Variants in MS4A7 observed in about 807,000 individuals in gnomAD.
MS4A7 encodes membrane-spanning 4-domains subfamily A member 7.
Under a neutral mutation model 23.5 loss-of-function variants are expected in MS4A7, and 21 were observed. The observed-to-expected ratio is 0.89, with a 90% confidence interval of 0.63 to 1.29. MS4A7 has a LOEUF of 1.29. Ranked by LOEUF, MS4A7 falls within the 50% of genes most tolerant of loss-of-function variation. The pLI, the probability that MS4A7 is intolerant of heterozygous loss-of-function variation, is 0.00. For missense variants in MS4A7, 263 were observed against 274.2 expected (o/e 0.96, Z 0.29); for synonymous variants, 111 against 107.4 (o/e 1.03, Z -0.21).
chr11:60,392,830 T>A, intron 6 of MS4A7, 44 bp downstream of exon 6: 1 of 1,381,052 alleles, frequency 7.2e-7, no homozygotes, highest in Non-Finnish European at 1.0e-6. Flanking sequence ...GTGTCTCAGG[T>A]CCAGGCTACA....
intron 4 of MS4A7, 64 bp downstream of exon 4, chr11:60,386,837 C>G (rs2085496282): frequency 7.5e-7 from 1 of 1,336,948 alleles, no homozygotes; most frequent in Non-Finnish European, 1.1e-6. Flanking sequence ...GTTAATTCTT[C>G]TAGTTTAAAA....
chr11:60,389,672 G>A, intron 5 of MS4A7, 76 bp downstream of exon 5: 1 of 1,412,756 alleles, frequency 7.1e-7, no homozygotes. Flanking sequence ...TGCTTTTCTG[G>A]CAGTCTCTGG....
At chr11:60,391,107 T>C (rs971591002) in intron 5 of MS4A7, among the ~76,000 whole-genome samples, 7 of 152,190 alleles carry the variant, frequency 4.6e-5, no homozygotes, top group African/African-American at 1.4e-4. Flanking sequence ...ATAAAGCTCA[T>C]ATGGAGTACC....
chr11:60,383,376 C>G (rs1327042398), intron 2 of MS4A7, 88 bp downstream of exon 2: 65 of 1,467,818 alleles, frequency 4.4e-5, no homozygotes, highest in Non-Finnish European at 5.8e-5. Flanking sequence ...CTGGGAAACT[C>G]TTTCACTCTT....
intron 4 of MS4A7, among the ~76,000 whole-genome samples, chr11:60,387,725 C>T (rs370952566): frequency 2.0e-5 from 3 of 152,168 alleles, no homozygotes; most frequent in South Asian, 4.1e-4. Context: ...ATTATATTGC[C>T]CTAAGTGCAT....
Position 60,385,031 on chromosome 11 carries a change from A to G in MS4A7, c.148-57A>G, listed in dbSNP as rs1217736465. On this transcript the variant is annotated intron_variant, in intron 2 of 6. Transcript: ENST00000300184. ...TTTATACTTTACCGTGTGCATTCAA[A>G]TAATCACTTTTATCTGTTTGAAGTG... The G allele has an allele frequency of 8.6e-6, 13 of 1,514,324 alleles. No homozygotes were observed. The South Asian group carries it at 1.4e-4, about 16-fold the overall frequency. The allele number at this position is 1,514,324 out of a possible 1,614,324, so 93.8% of individuals were successfully genotyped here. A position where few individuals can be genotyped will look rare whatever the true frequency, so the allele number is the denominator to read the frequency against.
At chr11:60,383,339 T>C in intron 2 of MS4A7, 51 bp downstream of exon 2, 1 of 1,598,276 alleles carries the variant, frequency 6.3e-7, no homozygotes, top group Non-Finnish European at 8.5e-7. Context: ...TTTGTAAATG[T>C]ATCTAGACTA....
intron 1 of MS4A7, among the ~76,000 whole-genome samples, chr11:60,379,573 C>T (rs1270574192): frequency 8.4e-6 from 1 of 119,278 alleles, no homozygotes; most frequent in African/African-American, 3.0e-5. Context: ...GAGTTTTGCT[C>T]AGTCACCCAG....
chr11:60,386,306 C>A (rs570800839), intron 3 of MS4A7, among the ~76,000 whole-genome samples: 4 of 152,328 alleles, frequency 2.6e-5, no homozygotes, highest in Admixed American at 2.6e-4. Context: ...TGTGTTTCTG[C>A]ACCTTGTCCC....
intron 6 of MS4A7, among the ~76,000 whole-genome samples, chr11:60,393,447 C>A (rs1234654253): frequency 1.3e-5 from 2 of 152,164 alleles, no homozygotes; most frequent in African/African-American, 2.4e-5. Context: ...TAGAATGTCT[C>A]TGTCCTGTTT....
chr11:60,389,257 C>A, intron 4 of MS4A7, 133 bp from the exon 5 acceptor site: 1 of 647,004 alleles, frequency 1.5e-6, no homozygotes, highest in Non-Finnish European at 2.7e-6. Context: ...GAATAAAACA[C>A]AGTTTGTGCC....
At chr11:60,392,429 A>G (rs961213835) in intron 5 of MS4A7, among the ~76,000 whole-genome samples, 1 of 152,228 alleles carries the variant, frequency 6.6e-6, no homozygotes, top group African/African-American at 2.4e-5. Context: ...AGAAAATAAT[A>G]AAAGCAACCA....
In MS4A7 at chr11:60,393,899, C is replaced by T; in HGVS notation, c.*38C>T. On this transcript the variant is annotated 3_prime_UTR_variant, in exon 7 of 7. Transcript: ENST00000300184. The stretch of plus-strand genomic sequence containing the variant: ...CTCAGAGGAAGGAAAAGCAACTCAA[C>T]ACTCATGGTCAAGTGTGATTAGACT... The T allele has an allele frequency of 1.5e-6, 2 of 1,376,870 alleles. No individual in the cohort carries two copies. The highest frequency in any genetic ancestry group is 2.0e-6 in the Non-Finnish European group (2 of 984,196). 85.3% of individuals were successfully genotyped at this position (1,376,870 alleles called of 1,614,324 possible).
Position 60,395,040 on chromosome 11 carries a change from C to A in MS4A7, c.*1179C>A. ...TTCTAGCTTGGAGCTAAATGCTGCT[C>A]ATGCTGAAAAGAATAATGTCTATTT... On this transcript the variant is annotated 3_prime_UTR_variant, in exon 7 of 7. Coordinates refer to ENST00000300184, the MANE Select transcript of MS4A7 (RefSeq NM_021201.5). The A allele has an allele frequency of 1.7e-6, 1 of 590,976 alleles. No homozygotes were observed. Among genetic ancestry groups the A allele is most frequent in the Non-Finnish European group, 3.1e-6 (1 of 326,610 alleles). 36.6% of individuals were successfully genotyped at this position (590,976 alleles called of 1,614,324 possible).
In MS4A7 at chr11:60,389,421, G is replaced by C; in HGVS notation, c.371G>C (p.Ser124Thr). Reference sequence around the variant, plus strand: ...AGCAGCTTGACCTCAAATGCAGTGAGTTCTGTTACTGCAGGAGCAGGCCTC... The same window carrying C: ...AGCAGCTTGACCTCAAATGCAGTGACTTCTGTTACTGCAGGAGCAGGCCTC... ...DLSSLTSNAV[S>T]SVTAGAGLFL... Residue 124 changes from serine (S) to threonine (T), a missense_variant, in exon 5 of 7, where the codon AGT becomes ACT. Physicochemically the swap from Ser to Thr is moderately conservative, Grantham distance 58. Transcript: ENST00000300184. The C allele has an allele frequency of 1.2e-6, 2 of 1,613,636 alleles. No individual in the cohort carries two copies. Among genetic ancestry groups the C allele is most frequent in the Non-Finnish European group, 1.7e-6 (2 of 1,179,732 alleles).
In MS4A7 at chr11:60,383,195, C is replaced by T. The variant is rs1457043415; in HGVS notation, c.54C>T (p.Gly18=). ...MGVSHSFTPK[G]ITIPQREKPG... is the part of the protein sequence containing the mutation. ...TTTCTCACAGCTTTACACCAAAGGG[C>T]ATCACTATCCCTCAAAGAGAGAAAC... Residue 18 remains glycine (G), a synonymous_variant, in exon 2 of 7, where the codon GGC becomes GGT. Transcript: ENST00000300184. The T allele has an allele frequency of 8.7e-6, 14 of 1,614,122 alleles. No homozygotes were observed. Among genetic ancestry groups the T allele is most frequent in the Non-Finnish European group, 9.3e-6 (11 of 1,179,994 alleles).
chr11:60,384,921 C>T (rs999621656), intron 2 of MS4A7, among the ~76,000 whole-genome samples, 167 bp from the exon 3 acceptor site: 1 of 152,232 alleles, frequency 6.6e-6, no homozygotes, highest in Non-Finnish European at 1.5e-5. Context: ...GTTAGCTATA[C>T]ATGACTTTCT....
At chr11:60,379,329 G>A (rs1247810739) in intron 1 of MS4A7, among the ~76,000 whole-genome samples, 3 of 152,192 alleles carry the variant, frequency 2.0e-5, no homozygotes, top group Non-Finnish European at 4.4e-5. Flanking sequence ...TATCACAAAA[G>A]TGCAAAGATG....
intron 1 of MS4A7, among the ~76,000 whole-genome samples, chr11:60,381,119 T>G (rs1361977050): frequency 6.6e-6 from 1 of 152,240 alleles, no homozygotes; most frequent in Admixed American, 6.5e-5. Context: ...ATGTTAGCAA[T>G]GATTATCATT....
Sources: gnomAD v4.1 joint callset for allele counts (sites outside exome capture counted in the v4.1 genomes callset) on GRCh38, gnomAD v4.1.1 for gene constraint, MANE v1.5 for transcripts, NCBI Gene and HGNC (gene_info 2026-07-23, HGNC 2026-07-21) for gene names.